Variants in NUDT3 observed in about 807,000 individuals in gnomAD.
The protein encoded by NUDT3 is diphosphoinositol polyphosphate phosphohydrolase 1.
Under a neutral mutation model 23.6 loss-of-function variants are expected in NUDT3, and 9 were observed. The observed-to-expected ratio is 0.38, with a 90% CI of 0.23 to 0.66. The LOEUF is 0.66. Ranked by LOEUF, NUDT3 falls within the 30% of genes least tolerant of loss-of-function variation. The pLI is 0.52. For missense variants in NUDT3, 172 were observed against 218.5 expected (o/e 0.79, Z 1.34); for synonymous variants, 86 against 82.6 (o/e 1.04, Z -0.22).
chr6:34,341,479 A>G (rs1463741519), intron 2 of NUDT3, among the ~76,000 whole-genome samples: 1 of 152,218 alleles, frequency 6.6e-6, no homozygotes, highest in Non-Finnish European at 1.5e-5. Flanking sequence ...CAGTAAGCAC[A>G]GGAAAACAAG....
chr6:34,318,082 C>T (rs896014006), intron 2 of NUDT3, among the ~76,000 whole-genome samples: 5 of 152,172 alleles, frequency 3.3e-5, no homozygotes, highest in African/African-American at 1.2e-4. Flanking sequence ...CATCTGCCCC[C>T]AGAGACATCT....
rs961584587 is a variant in NUDT3 at position 34,360,719 on chromosome 6, GT to G, written c.100-18748del. Reference sequence around the variant, plus strand: ...CATGCAGAAAAAGCTCAAATAACTAGTTTTTTTTTCCCCTGGAAAATAAGTT... The same window carrying G: ...CATGCAGAAAAAGCTCAAATAACTAGTTTTTTTTCCCCTGGAAAATAAGTT... On this transcript the variant is annotated intron_variant, in intron 1 of 4. Coordinates refer to ENST00000607016, the MANE Select transcript of NUDT3 (RefSeq NM_006703.4). Among the ~76,000 whole-genome samples, 85 of 151,434 alleles carry G rather than the reference GT, an allele frequency of 5.6e-4. 1 individual carries two copies. Among genetic ancestry groups the G allele is most frequent in the African/African-American group, 1.7e-3 (69 of 41,272 alleles).
chr6:34,372,902 AT>A, intron 1 of NUDT3, among the ~76,000 whole-genome samples: 1 of 152,036 alleles, frequency 6.6e-6, no homozygotes, highest in South Asian at 2.1e-4. Flanking sequence ...CTGGCTTAAC[AT>A]TGTCATCTAC....
intron 1 of NUDT3, among the ~76,000 whole-genome samples, chr6:34,359,809 A>G (rs1764619411): frequency 6.6e-6 from 1 of 152,228 alleles, no homozygotes; most frequent in Non-Finnish European, 1.5e-5. Flanking sequence ...TGGATCAAAC[A>G]TAATTCTACA....
In NUDT3 at chr6:34,392,413, G is replaced by C; in HGVS notation, c.-51C>G. Reference sequence around the variant, plus strand: ...TGCGGGTCGCAGGAGTCGAGGGGTGGGGAGCCCGCTCTGGACGGCCGCGTG... The same window carrying C: ...TGCGGGTCGCAGGAGTCGAGGGGTGCGGAGCCCGCTCTGGACGGCCGCGTG... On this transcript the variant is annotated 5_prime_UTR_variant, in exon 1 of 5. Coordinates refer to ENST00000607016, the MANE Select transcript of NUDT3 (RefSeq NM_006703.4). 1.4e-6 allele frequency: 2 copies of C among 1,456,944 alleles called. No homozygotes were observed. The highest frequency in any genetic ancestry group is 1.9e-6 in the Non-Finnish European group (2 of 1,065,680). The allele number at this position is 1,456,944 out of a possible 1,614,324, so 90.3% of individuals were successfully genotyped here.
rs1764213192 is a variant in NUDT3, at chr6:34,336,661, T to C, written c.210+5201A>G. 2.0e-5 allele frequency among the ~76,000 whole-genome samples: 3 copies of C among 150,062 alleles called. No homozygotes were observed. In the South Asian group the frequency reaches 6.3e-4, roughly 32 times the overall value. The stretch of plus-strand genomic sequence containing the variant: ...TGTCCAGACCAATGTCCTAAAGTGC[T>C]TCCCCCTGTGTTTACTTGTAGTAGT... On this transcript the variant is annotated intron_variant, in intron 2 of 4. Transcript: ENST00000607016.
At chr6:34,291,267 T>C (rs1763417826) in intron 4 of NUDT3, among the ~76,000 whole-genome samples, 1 of 152,122 alleles carries the variant, frequency 6.6e-6, no homozygotes, top group Non-Finnish European at 1.5e-5. Flanking sequence ...TGATTTTAAT[T>C]ATTATAAATA....
chr6:34,380,153 G>C (rs111299277), intron 1 of NUDT3, among the ~76,000 whole-genome samples: 1 of 151,638 alleles, frequency 6.6e-6, no homozygotes, highest in Non-Finnish European at 1.5e-5. Flanking sequence ...GCGCGATCTC[G>C]GCTCACTGCA....
chr6:34,372,930 G>A (rs1427194728), intron 1 of NUDT3, among the ~76,000 whole-genome samples: 2 of 147,110 alleles, frequency 1.4e-5, no homozygotes, highest in South Asian at 2.1e-4. Context: ...TCTCATCCCT[G>A]CCCCCACTAA....
chr6:34,378,302 T>C (rs1408632922), intron 1 of NUDT3, among the ~76,000 whole-genome samples: 2 of 151,730 alleles, frequency 1.3e-5, no homozygotes, highest in Non-Finnish European at 2.9e-5. Context: ...GATCCTGACT[T>C]GGGGGAAAAA....
intron 1 of NUDT3, among the ~76,000 whole-genome samples, chr6:34,367,563 A>T (rs1764757451): frequency 6.6e-6 from 1 of 152,134 alleles, no homozygotes; most frequent in African/African-American, 2.4e-5. Context: ...ATGTAAGTAA[A>T]TAAAAGATTA....
intron 2 of NUDT3, among the ~76,000 whole-genome samples, chr6:34,317,483 T>C (rs1013317911): frequency 6.6e-6 from 1 of 151,324 alleles, no homozygotes; most frequent in Admixed American, 6.6e-5. Flanking sequence ...GAGGGAAAAA[T>C]GAGCAAAGAC....
chr6:34,356,684 GGGAATAAT>G (rs1764565508), intron 1 of NUDT3, among the ~76,000 whole-genome samples: 1 of 151,856 alleles, frequency 6.6e-6, no homozygotes, highest in Non-Finnish European at 1.5e-5. Context: ...CACTAATTTG[GGGAATAAT>G]GACAAACTGA....
Position 34,281,784 on chromosome 6 carries a change from T to C in NUDT3, c.*6969A>G, listed in dbSNP as rs568048153. 2 of 152,332 alleles carry C rather than the reference T, an allele frequency of 1.3e-5. No individual in the cohort carries two copies. The highest frequency in any genetic ancestry group is 4.1e-4 in the South Asian group (2 of 4,824). The allele number at this position is 152,332 out of a possible 1,614,324, so 9.4% of individuals were successfully genotyped here. Reference sequence around the variant, plus strand: ...AACATTCTGGGAGCAAATTGGATTTTTGAAGGGAGAGTCCTCTTAGAAAAT... The same window carrying C: ...AACATTCTGGGAGCAAATTGGATTTCTGAAGGGAGAGTCCTCTTAGAAAAT... On this transcript the variant is annotated 3_prime_UTR_variant, in exon 5 of 5. Coordinates refer to ENST00000607016, the MANE Select transcript of NUDT3 (RefSeq NM_006703.4).
chr6:34,351,302 T>C (rs1346954011), intron 1 of NUDT3, among the ~76,000 whole-genome samples: 6 of 141,456 alleles, frequency 4.2e-5, no homozygotes, highest in Non-Finnish European at 9.1e-5. Flanking sequence ...TGGAGAGACC[T>C]GTCTCTACAA....
intron 2 of NUDT3, among the ~76,000 whole-genome samples, chr6:34,316,120 TC>T (rs1180751205): frequency 6.6e-6 from 1 of 152,164 alleles, no homozygotes; most frequent in African/African-American, 2.4e-5. Flanking sequence ...CACCTCAGTC[TC>T]CCAAAGCACT....
intron 1 of NUDT3, among the ~76,000 whole-genome samples, chr6:34,373,460 T>G (rs1373682536): frequency 1.3e-5 from 2 of 151,998 alleles, no homozygotes; most frequent in African/African-American, 4.8e-5. Context: ...GCCTATTGTG[T>G]ATGGAGCACC....
At chr6:34,384,927 G>C (rs533136426) in intron 1 of NUDT3, among the ~76,000 whole-genome samples, 32 of 151,660 alleles carry the variant, frequency 2.1e-4, no homozygotes, top group Non-Finnish European at 3.5e-4. Context: ...TACTTGGGAG[G>C]CTGAGGTGGG....
chr6:34,386,207 G>A (rs1039775121), intron 1 of NUDT3, among the ~76,000 whole-genome samples: 14 of 152,266 alleles, frequency 9.2e-5, no homozygotes, highest in Admixed American at 9.2e-4. Flanking sequence ...TTAAGAAACT[G>A]TATATCAGGT....
Sources: allele counts gnomAD v4.1 joint callset (sites outside exome capture counted in the v4.1 genomes callset), GRCh38; gene constraint gnomAD v4.1.1; transcripts MANE v1.5; gene names NCBI Gene and HGNC (gene_info 2026-07-23, HGNC 2026-07-21).